Variants in KLHDC8A observed in about 807,000 individuals in gnomAD.
The protein encoded by KLHDC8A is kelch domain-containing protein 8A.
A neutral mutation model predicts 33.1 loss-of-function variants in KLHDC8A; 21 were observed. The observed-to-expected ratio is 0.64, with a 90% CI of 0.45 to 0.91. The LOEUF (loss-of-function observed/expected upper bound fraction) is 0.91, where lower values mean the gene tolerates loss of function less well. Ranked by LOEUF, KLHDC8A falls within the 40% of genes least tolerant of loss-of-function variation. The probability of loss-of-function intolerance (pLI) is 0.00; values close to 1 mark genes in which losing one functional copy is unlikely to be tolerated. For missense variants in KLHDC8A, 435 were observed against 483.3 expected (o/e 0.90, Z 0.94); for synonymous variants, 173 against 193.5 (o/e 0.89, Z 0.88).
Position 205,336,096 on chromosome 1 carries a change from G to A in KLHDC8A, c.*1303C>T, listed in dbSNP as rs1662622945. 6.6e-6 allele frequency: 1 copy of A among 152,180 alleles called. No homozygotes were observed. The allele number at this position is 152,180 out of a possible 1,614,324, so 9.4% of individuals were successfully genotyped here. On this transcript the variant is annotated 3_prime_UTR_variant, in exon 6 of 6. Coordinates refer to ENST00000367155, the MANE Select transcript of KLHDC8A (RefSeq NM_018203.3). ...TACCTGACTCCTCCAGAACCCTTCA[G>A]GGCAGGCATTTTATTCATCATTTAT...
chr1:205,355,878 T>C (rs929543962), intron 1 of KLHDC8A, among the ~76,000 whole-genome samples: 1 of 152,222 alleles, frequency 6.6e-6, no homozygotes, highest in Non-Finnish European at 1.5e-5. Context: ...CAAAGCACTT[T>C]CCCTTCGGAG....
Position 205,356,543 on chromosome 1 carries a change from G to A in KLHDC8A, c.-200C>T. On this transcript the variant is annotated 5_prime_UTR_variant, in exon 1 of 6. Transcript: ENST00000367155. ...TGAAATAAAACTTACCTGACTGGAG[G>A]GAAAAGGATCGACACCCGGCGATCA... 2.2e-6 allele frequency: 1 copy of A among 456,314 alleles called. No individual in the cohort carries two copies. The highest frequency in any genetic ancestry group is 4.4e-6 in the Non-Finnish European group (1 of 226,980). The allele number at this position is 456,314 out of a possible 1,614,324, so 28.3% of individuals were successfully genotyped here.
intron 1 of KLHDC8A, among the ~76,000 whole-genome samples, chr1:205,349,156 G>A (rs536169848): frequency 2.0e-5 from 3 of 152,354 alleles, no homozygotes; most frequent in Admixed American, 1.3e-4. Context: ...GAGATGGTAT[G>A]ACACAGTTGC....
chr1:205,338,884 T>C (rs1439064514), intron 4 of KLHDC8A, among the ~76,000 whole-genome samples: 1 of 152,170 alleles, frequency 6.6e-6, no homozygotes, highest in African/African-American at 2.4e-5. Flanking sequence ...AGGATCCTTC[T>C]GTTTCTCCAT....
intron 1 of KLHDC8A, among the ~76,000 whole-genome samples, chr1:205,349,906 T>A (rs1383484735): frequency 3.3e-5 from 5 of 152,178 alleles, no homozygotes; most frequent in African/African-American, 1.2e-4. Flanking sequence ...GGGCAAGTCA[T>A]ATCCATTCTG....
At chr1:205,345,796 C>T (rs116600565) in intron 1 of KLHDC8A, among the ~76,000 whole-genome samples, 2,787 of 152,028 alleles carry the variant, frequency 0.018, 102 homozygotes, top group African/African-American at 0.064. Flanking sequence ...AAATCGAGGC[C>T]GGATTTGGTG....
In KLHDC8A at chr1:205,336,483, T is replaced by G. The variant is rs1469473337; in HGVS notation, c.*916A>C. ...GTCCTCCCTGCCCCTCAAGACACCCTTCCGCCCCATCCCCACACCAGGGTG... is the reference window on the plus strand; with the variant it reads ...GTCCTCCCTGCCCCTCAAGACACCCGTCCGCCCCATCCCCACACCAGGGTG... On this transcript the variant is annotated 3_prime_UTR_variant, in exon 6 of 6. Transcript: ENST00000367155. 2 of 152,626 alleles carry G rather than the reference T, an allele frequency of 1.3e-5. No homozygotes were observed. The highest frequency in any genetic ancestry group is 4.8e-5 in the African/African-American group (2 of 41,434). 9.5% of individuals were successfully genotyped at this position (152,626 alleles called of 1,614,324 possible). A position where few individuals can be genotyped will look rare whatever the true frequency, so the allele number is the denominator to read the frequency against.
intron 5 of KLHDC8A, 90 bp downstream of exon 5, chr1:205,338,405 G>T: frequency 9.9e-7 from 1 of 1,010,064 alleles, no homozygotes; most frequent in Non-Finnish European, 1.6e-6. Flanking sequence ...TCTGCAGGGA[G>T]TCAGTACCCT....
rs1383291804 is a variant in KLHDC8A at position 205,337,362 on chromosome 1, A to T, written c.*37T>A. 1 of 1,516,208 alleles carries T rather than the reference A, an allele frequency of 6.6e-7. No individual in the cohort carries two copies. The allele number at this position is 1,516,208 out of a possible 1,614,324, so 93.9% of individuals were successfully genotyped here. A position where few individuals can be genotyped will look rare whatever the true frequency, so the allele number is the denominator to read the frequency against. ...CATTCCTCATGTTAAGAGTGAAGTG[A>T]TATGGTCCAGGGCAAAGGTACTGAG... On this transcript the variant is annotated 3_prime_UTR_variant, in exon 6 of 6. Transcript: ENST00000367155.
intron 2 of KLHDC8A, among the ~76,000 whole-genome samples, chr1:205,341,186 TTCCCTGGG>T (rs1257226063): frequency 6.6e-6 from 1 of 152,106 alleles, no homozygotes; most frequent in Non-Finnish European, 1.5e-5. Context: ...GCATCTGTGT[TTCCCTGGG>T]TCCCACCCCA....
At chr1:205,353,820 C>T (rs1305016782) in intron 1 of KLHDC8A, among the ~76,000 whole-genome samples, 1 of 152,350 alleles carries the variant, frequency 6.6e-6, no homozygotes, top group South Asian at 2.1e-4. Flanking sequence ...GACATTTACT[C>T]TGTTTATCAC....
At chr1:205,337,959 TG>T (rs1662680605) in intron 5 of KLHDC8A, among the ~76,000 whole-genome samples, 1 of 152,208 alleles carries the variant, frequency 6.6e-6, no homozygotes, top group South Asian at 2.1e-4. Context: ...TAAGTAGACT[TG>T]GGGTACCTGG....
At chr1:205,345,274 C>T (rs973631499) in intron 1 of KLHDC8A, among the ~76,000 whole-genome samples, 1 of 152,140 alleles carries the variant, frequency 6.6e-6, no homozygotes, top group Non-Finnish European at 1.5e-5. Flanking sequence ...ATAGATAGAT[C>T]TATGTCTATA....
intron 1 of KLHDC8A, among the ~76,000 whole-genome samples, chr1:205,350,812 T>TGTGTGTGTGTGCATGCGC (rs779896066): frequency 3.4e-4 from 11 of 32,812 alleles, no homozygotes; most frequent in Non-Finnish European, 2.4e-4. Flanking sequence ...TGTGTGTGCA[T>TGTGTGTGTGTGCATGCGC]GTGTGTGTGT....
At chr1:205,353,559 A>G (rs1346460682) in intron 1 of KLHDC8A, among the ~76,000 whole-genome samples, 1 of 152,134 alleles carries the variant, frequency 6.6e-6, no homozygotes, top group African/African-American at 2.4e-5. Context: ...TGTGTGATAC[A>G]AGGTCTCACT....
intron 2 of KLHDC8A, 81 bp downstream of exon 2, chr1:205,343,148 A>C: frequency 6.6e-7 from 1 of 1,511,400 alleles, no homozygotes; most frequent in Non-Finnish European, 8.9e-7. Flanking sequence ...CCCACAGCAA[A>C]TGCCTGTTGG....
At chr1:205,352,800 G>A (rs998292196) in intron 1 of KLHDC8A, among the ~76,000 whole-genome samples, 6 of 152,242 alleles carry the variant, frequency 3.9e-5, no homozygotes, top group Non-Finnish European at 8.8e-5. Context: ...CAGTGAAGGA[G>A]GGAGTGGCAG....
rs1340992039 is a variant in KLHDC8A at position 205,339,246 on chromosome 1, G to C, written c.705C>G (p.Leu235=). 5.6e-6 allele frequency: 9 copies of C among 1,614,094 alleles called. No homozygotes were observed. The highest frequency in any genetic ancestry group is 7.6e-6 in the Non-Finnish European group (9 of 1,180,036). Residue 235 remains leucine (L), a synonymous_variant, in exon 4 of 6, where the codon CTC becomes CTG. Coordinates refer to ENST00000367155, the MANE Select transcript of KLHDC8A (RefSeq NM_018203.3). This position sits in a 1 kb window ranked among gnomAD's most constrained non-coding sequence, Gnocchi z 5.1. ...YSLGGLRQGR[L]YRQPKFLRTM... ...TCCGCAGGAACTTGGGCTGCCGGTAGAGGCGACCTTGCCGCAGGCCTCCTA... is the reference window on the plus strand; with the variant it reads ...TCCGCAGGAACTTGGGCTGCCGGTACAGGCGACCTTGCCGCAGGCCTCCTA...
chr1:205,340,444 A>G (rs912691053), intron 2 of KLHDC8A, among the ~76,000 whole-genome samples: 1 of 151,806 alleles, frequency 6.6e-6, no homozygotes, highest in Non-Finnish European at 1.5e-5. Flanking sequence ...TATCCCCTTC[A>G]CTGTCCTCCC....
Sources: allele counts gnomAD v4.1 joint callset (sites outside exome capture counted in the v4.1 genomes callset), GRCh38; gene constraint gnomAD v4.1.1; non-coding constraint Gnocchi (gnomAD v3.1); transcripts MANE v1.5; gene names NCBI Gene and HGNC (gene_info 2026-07-23, HGNC 2026-07-21).